Variants in TTR observed in about 807,000 individuals in gnomAD.
TTR encodes epididymis luminal protein 111.
TTR carries 8 observed loss-of-function variants against 13.7 expected under a neutral mutation model. The observed-to-expected ratio is 0.58, with a 90% confidence interval of 0.34 to 1.05. The LOEUF is 1.05. Ranked by LOEUF, TTR falls within the 50% of genes least tolerant of loss-of-function variation. TTR has a pLI of 0.02. For missense variants in TTR, 135 were observed against 185.5 expected, an observed-to-expected ratio of 0.73 and a Z score of 1.58; for synonymous variants, 75 against 71.7, an observed-to-expected ratio of 1.05 and a Z score of -0.23.
intron 3 of TTR, chr18:31,597,277 C>G (rs1446765470): frequency 1.3e-5 from 2 of 152,232 alleles, no homozygotes; most frequent in Non-Finnish European, 2.9e-5. Context: ...CTCCAGACCT[C>G]AGGTGATTCA....
At position 31,598,763 on chromosome 18, in the gene TTR, A is replaced by T; in HGVS notation, c.*88A>T. 2 of 1,329,628 alleles carry T rather than the reference A, an allele frequency of 1.5e-6. No individual in the cohort carries two copies. The highest frequency in any genetic ancestry group is 2.1e-6 in the Non-Finnish European group (2 of 937,878). 82.4% of individuals were successfully genotyped at this position (1,329,628 alleles called of 1,614,324 possible). ...CCATTTTTACTAAAGCAGTGTTTTC[A>T]CCTCATATGCTATGTTAGAAGTCCA... is the stretch of plus-strand genomic sequence containing the variant. On this transcript the variant is annotated 3_prime_UTR_variant, in exon 4 of 4. Coordinates refer to ENST00000237014, the MANE Select transcript of TTR (RefSeq NM_000371.4).
intron 3 of TTR, 114 bp from the exon 4 acceptor site, chr18:31,598,454 T>TA: frequency 9.6e-7 from 1 of 1,041,218 alleles, no homozygotes; most frequent in Non-Finnish European, 1.5e-6. Context: ...TTCCAAAATA[T>TA]AAAAGAATAA....
intron 2 of TTR, among the ~76,000 whole-genome samples, chr18:31,594,297 G>T (rs537557270): frequency 6.6e-6 from 1 of 152,356 alleles, no homozygotes; most frequent in South Asian, 2.1e-4. Flanking sequence ...GGAAATAGAA[G>T]TTGCCTAGTG....
intron 2 of TTR, 132 bp downstream of exon 2, chr18:31,593,158 T>G: frequency 7.3e-7 from 1 of 1,367,744 alleles, no homozygotes; most frequent in Non-Finnish European, 1.0e-6. Flanking sequence ...AGAGGTCAAG[T>G]ATGCCCTCTG....
chr18:31,598,642 C>T lies in TTR; in HGVS notation c.411C>T (p.Ser137=), dbSNP rs759874627. 15 of 1,614,092 alleles carry T rather than the reference C, an allele frequency of 9.3e-6. No homozygotes were observed. In the African/African-American group the frequency reaches 1.6e-4, roughly 17 times the overall value. The change falls in exon 4 of 4, where the codon TCC becomes TCT. Residue 137 remains serine (S), a synonymous_variant. Transcript: ENST00000237014. ...CCCTGCTGAGCCCCTACTCCTATTC[C>T]ACCACGGCTGTCGTCACCAATCCCA... The part of the protein sequence containing the change: ...IAALLSPYSY[S]TTAVVTNPKE
intron 1 of TTR, among the ~76,000 whole-genome samples, chr18:31,592,573 T>G (rs2073491369): frequency 6.6e-6 from 1 of 152,234 alleles, no homozygotes; most frequent in Admixed American, 6.5e-5. Context: ...TATGGTACAT[T>G]ACATCTTTTC....
chr18:31,596,825 A>C (rs1242283369), intron 3 of TTR, among the ~76,000 whole-genome samples: 2 of 152,186 alleles, frequency 1.3e-5, no homozygotes, highest in Non-Finnish European at 2.9e-5. Context: ...AGCCCAGATA[A>C]ATACGGAGAA....
chr18:31,597,233 C>T (rs550405700), intron 3 of TTR: 2 of 152,260 alleles, frequency 1.3e-5, no homozygotes, highest in South Asian at 4.1e-4. Context: ...TTTGTAAAGA[C>T]AGGTTTTCAC....
intron 3 of TTR, chr18:31,598,355 T>C (rs2073526890): frequency 5.9e-6 from 4 of 676,852 alleles, no homozygotes; most frequent in Non-Finnish European, 1.1e-5. Flanking sequence ...AAACAAGACC[T>C]GACTCTGTAC....
At position 31,598,598 on chromosome 18, in the gene TTR, C is replaced by G. The variant is rs371566010; in HGVS notation, c.367C>G (p.Arg123Gly). 1 of 1,614,086 alleles carries G rather than the reference C, an allele frequency of 6.2e-7. No individual in the cohort carries two copies. Among genetic ancestry groups the G allele is most frequent in the Non-Finnish European group, 8.5e-7 (1 of 1,180,044 alleles). The change falls in exon 4 of 4, where the codon CGC becomes GGC. Residue 123 changes from arginine to glycine, a missense_variant. Physicochemically the swap from Arg to Gly is moderately radical, Grantham distance 125. Coordinates refer to ENST00000237014, the MANE Select transcript of TTR (RefSeq NM_000371.4). ...ATTCACAGCCAACGACTCCGGCCCC[C>G]GCCGCTACACCATTGCCGCCCTGCT... ...VVFTANDSGPRRYTIAALLSP... is the reference protein window; with the variant it reads ...VVFTANDSGPGRYTIAALLSP...
intron 1 of TTR, 126 bp from the exon 2 acceptor site, chr18:31,592,770 T>C: frequency 7.7e-7 from 1 of 1,293,608 alleles, no homozygotes; most frequent in Non-Finnish European, 1.1e-6. Context: ...TTGTCGACAC[T>C]TACGTTCCTG....
At chr18:31,595,465 C>A in intron 3 of TTR, 1 of 700,910 alleles carries the variant, frequency 1.4e-6, no homozygotes, top group Non-Finnish European at 2.6e-6. Context: ...CACTTAGTAA[C>A]ATGACTTGAA....
chr18:31,595,395 T>C, intron 3 of TTR, 140 bp downstream of exon 3: 4 of 1,234,380 alleles, frequency 3.2e-6, no homozygotes, highest in Non-Finnish European at 1.2e-6. Flanking sequence ...TTTCCTATTA[T>C]ACAAGAAAAA....
At chr18:31,591,994 AT>A (rs779628521) in intron 1 of TTR, 23 bp downstream of exon 1, 1 of 1,613,246 alleles carries the variant, frequency 6.2e-7, no homozygotes, top group Non-Finnish European at 8.5e-7. Flanking sequence ...GTGACATCCC[AT>A]TCCTACATTT....
At chr18:31,597,106 G>C (rs2073520876) in intron 3 of TTR, 1 of 152,080 alleles carries the variant, frequency 6.6e-6, no homozygotes, top group African/African-American at 2.4e-5. Context: ...ATGCAGTGGT[G>C]CAATCTCAGC....
In TTR at chr18:31,598,638, A is replaced by C. The variant is rs730881167; in HGVS notation, c.407A>C (p.Tyr136Ser). 3 of 1,614,088 alleles carry C rather than the reference A, an allele frequency of 1.9e-6. No individual in the cohort carries two copies. Among genetic ancestry groups the C allele is most frequent in the Non-Finnish European group, 2.5e-6 (3 of 1,180,012 alleles). ...GCCGCCCTGCTGAGCCCCTACTCCT[A>C]TTCCACCACGGCTGTCGTCACCAAT... is the stretch of plus-strand genomic sequence containing the variant. ...TIAALLSPYSYSTTAVVTNPK... is the reference protein window; with the variant it reads ...TIAALLSPYSSSTTAVVTNPK... The change falls in exon 4 of 4, where the codon TAT becomes TCT. Residue 136 changes from tyrosine (Y) to serine (S), a missense_variant. Physicochemically the swap from Tyr to Ser is moderately radical, Grantham distance 144 (BLOSUM62 -2). Coordinates refer to ENST00000237014, the MANE Select transcript of TTR (RefSeq NM_000371.4).
intron 3 of TTR, among the ~76,000 whole-genome samples, chr18:31,596,882 GT>G (rs1277837374): frequency 6.6e-6 from 1 of 152,148 alleles, no homozygotes; most frequent in Non-Finnish European, 1.5e-5. Context: ...CCTCACTTTG[GT>G]GACGGGTGCG....
intron 3 of TTR, chr18:31,595,532 C>A: frequency 7.4e-6 from 4 of 543,592 alleles, no homozygotes; most frequent in Non-Finnish European, 1.4e-5. Context: ...ATTGATGTAT[C>A]TGCTGTTGAA....
At chr18:31,597,268 T>A (rs1340859063) in intron 3 of TTR, 1 of 152,194 alleles carries the variant, frequency 6.6e-6, no homozygotes, top group Non-Finnish European at 1.5e-5. Context: ...TGGTCTGAAC[T>A]CCAGACCTCA....
Sources: allele counts gnomAD v4.1 joint callset (sites outside exome capture counted in the v4.1 genomes callset), GRCh38; gene constraint gnomAD v4.1.1; transcripts MANE v1.5; gene names NCBI Gene and HGNC (gene_info 2026-07-23, HGNC 2026-07-21).